ADAMTS19: variants seen among roughly 807,000 people sequenced by gnomAD.
ADAMTS19 encodes A disintegrin and metalloproteinase with thrombospondin motifs 19.
In ADAMTS19, 93 loss-of-function variants were observed where a neutral mutation model predicts 153.3. That is an observed-to-expected ratio of 0.61 (90% CI 0.51 to 0.72). The LOEUF is 0.72. ADAMTS19 is among the 30% of genes least tolerant of loss of function. ADAMTS19 has a pLI of 0.00. For synonymous variants in ADAMTS19, 600 were observed against 556.6 expected, an observed-to-expected ratio of 1.08 and a Z score of -1.10; for missense variants, 1,482 against 1,552.1, an observed-to-expected ratio of 0.95 and a Z score of 0.76.
chr5:129,501,000 C>T (rs768463833), intron 2 of ADAMTS19, among the ~76,000 whole-genome samples: 2 of 152,024 alleles, frequency 1.3e-5, no homozygotes, highest in African/African-American at 4.8e-5. Context: ...TACATGCAAA[C>T]GTATGCCCAC....
At chr5:129,595,663 C>T (rs1191855467) in intron 7 of ADAMTS19, among the ~76,000 whole-genome samples, 5 of 151,940 alleles carry the variant, frequency 3.3e-5, no homozygotes, top group African/African-American at 9.7e-5. Flanking sequence ...GAACCTCCTA[C>T]GCCTAAATAT....
At position 129,650,835 on chromosome 5, in the gene ADAMTS19, C is replaced by T. The variant is rs116517345; in HGVS notation, c.2176+1865C>T. 4.7e-3 allele frequency among the ~76,000 whole-genome samples: 722 copies of T among 152,260 alleles called. 8 individuals are homozygous for T. Among genetic ancestry groups the T allele is most frequent in the African/African-American group, 0.016 (671 of 41,534 alleles). On this transcript the variant is annotated intron_variant, in intron 13 of 22. Transcript: ENST00000274487. Reference sequence around the variant, plus strand: ...ACCTACATGTTTCTCTCCTCACAACCACCCTTCTCAAAAGACCTGCCTATA... The same window carrying T: ...ACCTACATGTTTCTCTCCTCACAACTACCCTTCTCAAAAGACCTGCCTATA...
At chr5:129,688,516 T>C (rs949405823) in intron 18 of ADAMTS19, among the ~76,000 whole-genome samples, 2 of 152,106 alleles carry the variant, frequency 1.3e-5, no homozygotes, top group African/African-American at 4.8e-5. Context: ...AAATGGTAAC[T>C]CAAACTAAAC....
chr5:129,593,769 G>T (rs909929056), intron 7 of ADAMTS19, among the ~76,000 whole-genome samples: 2 of 152,150 alleles, frequency 1.3e-5, no homozygotes, highest in African/African-American at 4.8e-5. Context: ...ACTCAACTGA[G>T]TACTATGTTA....
rs34958335 is a variant in ADAMTS19, at chr5:129,647,214, GAAAA to G, written c.1873-534_1873-531del. 7.3e-3 allele frequency among the ~76,000 whole-genome samples: 742 copies of G among 102,316 alleles called. 5 individuals carry two copies. The highest frequency in any genetic ancestry group is 0.049 in the East Asian group (184 of 3,752). 67.1% of individuals were successfully genotyped at this position (102,316 alleles called of 152,430 possible). The stretch of plus-strand genomic sequence containing the variant: ...TTTGAACTTGATGGGAATTCTTTCA[GAAAA>G]AAAAAAAAAAAAAAAAGCATAAAGG... On this transcript the variant is annotated intron_variant, in intron 11 of 22. Coordinates refer to ENST00000274487, the MANE Select transcript of ADAMTS19 (RefSeq NM_133638.6).
chr5:129,543,569 G>A (rs1423740188), intron 6 of ADAMTS19, among the ~76,000 whole-genome samples: 1 of 152,138 alleles, frequency 6.6e-6, no homozygotes, highest in Non-Finnish European at 1.5e-5. Flanking sequence ...GAGCTTTACA[G>A]TGGGCAGCAG....
At chr5:129,587,350 T>A (rs1184399778) in intron 7 of ADAMTS19, among the ~76,000 whole-genome samples, 1 of 152,012 alleles carries the variant, frequency 6.6e-6, no homozygotes, top group Admixed American at 6.6e-5. Context: ...TTTTTTTAAA[T>A]CTCATCTGCT....
intron 2 of ADAMTS19, among the ~76,000 whole-genome samples, chr5:129,497,519 G>A (rs1282086337): frequency 6.6e-6 from 1 of 152,036 alleles, no homozygotes; most frequent in African/African-American, 2.4e-5. Context: ...AAATATATCA[G>A]AGCTGATAAG....
intron 10 of ADAMTS19, among the ~76,000 whole-genome samples, chr5:129,637,297 G>C (rs39591): frequency 0.48 from 72,534 of 151,960 alleles, 19,954 homozygotes; most frequent in African/African-American, 0.76. Flanking sequence ...TTAATGTGCC[G>C]AAGTATATTA....
intron 3 of ADAMTS19, among the ~76,000 whole-genome samples, chr5:129,515,972 T>C (rs1011674916): frequency 1.3e-5 from 2 of 151,896 alleles, no homozygotes; most frequent in African/African-American, 4.8e-5. Context: ...CTATCCCCAG[T>C]TTTTTGACAG....
intron 6 of ADAMTS19, among the ~76,000 whole-genome samples, chr5:129,549,498 A>T (rs1451823617): frequency 6.6e-6 from 1 of 151,696 alleles, no homozygotes; most frequent in Non-Finnish European, 1.5e-5. Context: ...TAAAAATAAT[A>T]GTTCAAAATA....
At chr5:129,733,443 T>C (rs1451819802) in intron 21 of ADAMTS19, among the ~76,000 whole-genome samples, 1 of 151,706 alleles carries the variant, frequency 6.6e-6, no homozygotes, top group East Asian at 1.9e-4. Flanking sequence ...TGCAAGGAAC[T>C]CAAACAACTC....
intron 2 of ADAMTS19, among the ~76,000 whole-genome samples, chr5:129,482,363 G>T (rs567427314): frequency 4.6e-5 from 7 of 152,244 alleles, no homozygotes; most frequent in Admixed American, 3.9e-4. Flanking sequence ...TCCAGTCAAT[G>T]AAATTCTCTT....
At chr5:129,566,856 G>T (rs1027702434) in intron 7 of ADAMTS19, among the ~76,000 whole-genome samples, 2 of 152,076 alleles carry the variant, frequency 1.3e-5, no homozygotes, top group Non-Finnish European at 2.9e-5. Context: ...TTAATCCCAT[G>T]AGGATGGGGT....
chr5:129,542,431 C>G (rs559939038), intron 6 of ADAMTS19, among the ~76,000 whole-genome samples: 5 of 152,266 alleles, frequency 3.3e-5, no homozygotes, highest in South Asian at 2.1e-4. Flanking sequence ...TAGGATTTAC[C>G]TCAGGACTAT....
At position 129,688,847 on chromosome 5, in the gene ADAMTS19, A is replaced by G. The variant is rs976887252; in HGVS notation, c.2818+4574A>G. Among the ~76,000 whole-genome samples the G allele has an allele frequency of 2.0e-5, 3 of 152,314 alleles. No individual in the cohort carries two copies. The East Asian group carries it at 5.8e-4, about 29-fold the overall frequency. ...GAAAGAAATGTTCACTTTGCGTTAGAGTTCTAAAACATCTTAAAATATTTG... is the reference window on the plus strand; with the variant it reads ...GAAAGAAATGTTCACTTTGCGTTAGGGTTCTAAAACATCTTAAAATATTTG... On this transcript the variant is annotated intron_variant, in intron 18 of 22. Coordinates refer to ENST00000274487, the MANE Select transcript of ADAMTS19 (RefSeq NM_133638.6).
intron 8 of ADAMTS19, among the ~76,000 whole-genome samples, chr5:129,605,930 G>T (rs747529238): frequency 3.9e-5 from 6 of 152,026 alleles, no homozygotes; most frequent in South Asian, 4.2e-4. Flanking sequence ...AAAATGTCAA[G>T]CTTGTTTTGA....
chr5:129,589,336 G>T (rs1346680254), intron 7 of ADAMTS19, among the ~76,000 whole-genome samples: 3 of 151,244 alleles, frequency 2.0e-5, no homozygotes, highest in Non-Finnish European at 4.4e-5. Flanking sequence ...TTCACTGAGG[G>T]TCTTTTCCAG....
chr5:129,705,572 A>G (rs894165983), intron 21 of ADAMTS19, among the ~76,000 whole-genome samples: 1 of 152,218 alleles, frequency 6.6e-6, no homozygotes, highest in Non-Finnish European at 1.5e-5. Flanking sequence ...TGCTTTTGTA[A>G]ACAACATAAA....
Sources: gnomAD v4.1 joint callset for allele counts (sites outside exome capture counted in the v4.1 genomes callset) on GRCh38, gnomAD v4.1.1 for gene constraint, MANE v1.5 for transcripts, NCBI Gene and HGNC (gene_info 2026-07-23, HGNC 2026-07-21) for gene names.